The following FAM167A variants were observed in gnomAD, a reference collection of about 807,000 sequenced individuals.
FAM167A encodes protein FAM167A.
FAM167A carries 23 observed loss-of-function variants against 14.9 expected under a neutral mutation model. The observed-to-expected ratio is 1.55, with a 90% confidence interval of 1.11 to 2.19. FAM167A has a LOEUF of 2.19. Ranked by LOEUF, FAM167A falls within the 30% of genes most tolerant of loss-of-function variation. The pLI is 0.00. For missense variants in FAM167A, 401 were observed against 281.5 expected (o/e 1.42, Z -3.04); for synonymous variants, 174 against 117.7 (o/e 1.48, Z -3.10).
chr8:11,473,290 G>T (rs2117177332), intron 1 of FAM167A, among the ~76,000 whole-genome samples: 1 of 152,270 alleles, frequency 6.6e-6, no homozygotes, highest in Non-Finnish European at 1.5e-5. Flanking sequence ...TGGTGTGGGG[G>T]GAAGCTTGTT....
At chr8:11,462,518 A>G (rs1273901742) in intron 1 of FAM167A, among the ~76,000 whole-genome samples, 1 of 152,236 alleles carries the variant, frequency 6.6e-6, no homozygotes, top group East Asian at 1.9e-4. Flanking sequence ...TGGCTCCTGC[A>G]CTGCGAAAGT....
chr8:11,448,185 C>T (rs1415610739), intron 1 of FAM167A, among the ~76,000 whole-genome samples: 1 of 133,796 alleles, frequency 7.5e-6, no homozygotes, highest in Non-Finnish European at 1.6e-5. Context: ...CAGGGCGAGA[C>T]TCTGTCTTAA....
At position 11,455,990 on chromosome 8, in the gene FAM167A, T is replaced by G. The variant is rs1402664995; in HGVS notation, c.-398+10636A>C. 3.4e-5 allele frequency among the ~76,000 whole-genome samples: 4 copies of G among 117,698 alleles called. No homozygotes were observed. In the East Asian group the frequency reaches 8.9e-4, roughly 26 times the overall value. 77.2% of individuals were successfully genotyped at this position (117,698 alleles called of 152,430 possible). A position where few individuals can be genotyped will look rare whatever the true frequency, so the allele number is the denominator to read the frequency against. On this transcript the variant is annotated intron_variant, in intron 1 of 2. Coordinates refer to ENST00000284486, the MANE Select transcript of FAM167A (RefSeq NM_053279.3). ...GAGTGAGTGTGGGGGGTGGTTGCCT[T>G]CTGGGTATGAGTGGGAGTGTAGGGT...
intron 2 of FAM167A, chr8:11,438,066 G>A: frequency 2.2e-6 from 1 of 444,916 alleles, no homozygotes; most frequent in South Asian, 1.6e-5. Context: ...CAGGAGCCCT[G>A]ACCCATCCAC....
chr8:11,461,480 C>T (rs536256019), intron 1 of FAM167A, among the ~76,000 whole-genome samples: 1 of 152,368 alleles, frequency 6.6e-6, no homozygotes, highest in African/African-American at 2.4e-5. Flanking sequence ...AAAGTAGACA[C>T]AGAGTGGCCT....
chr8:11,427,235 C>A (rs138993847), intron 2 of FAM167A, among the ~76,000 whole-genome samples: 44 of 152,286 alleles, frequency 2.9e-4, no homozygotes, highest in Middle Eastern at 3.4e-3. Context: ...TCCTGAGGTA[C>A]CAGCAGGACA....
At chr8:11,464,905 T>A (rs1474030731) in intron 1 of FAM167A, among the ~76,000 whole-genome samples, 1 of 152,124 alleles carries the variant, frequency 6.6e-6, no homozygotes, top group Admixed American at 6.5e-5. Context: ...CCTGCCAGAG[T>A]TCCTCCTGGA....
chr8:11,428,950 T>C (rs1301516077), intron 2 of FAM167A, among the ~76,000 whole-genome samples: 1 of 152,228 alleles, frequency 6.6e-6, no homozygotes, highest in African/African-American at 2.4e-5. Context: ...TCTAGAATTT[T>C]TTTCTAGTTG....
At chr8:11,430,860 G>C (rs957052786) in intron 2 of FAM167A, among the ~76,000 whole-genome samples, 2 of 152,182 alleles carry the variant, frequency 1.3e-5, no homozygotes, top group South Asian at 4.1e-4. Context: ...TCATAGAAAA[G>C]TCTAATGCAT....
chr8:11,465,334 C>A (rs780509747), intron 1 of FAM167A, among the ~76,000 whole-genome samples: 1 of 152,152 alleles, frequency 6.6e-6, no homozygotes, highest in Non-Finnish European at 1.5e-5. Context: ...GAGTCAGGCA[C>A]GTGAGGCTGA....
chr8:11,475,021 G>A (rs1023015253), intron 1 of FAM167A, among the ~76,000 whole-genome samples: 1 of 152,132 alleles, frequency 6.6e-6, no homozygotes, highest in Non-Finnish European at 1.5e-5. Flanking sequence ...GCCCATGGGA[G>A]TCCCCTGGAC....
At chr8:11,451,946 C>G (rs974002559) in intron 1 of FAM167A, among the ~76,000 whole-genome samples, 2 of 152,206 alleles carry the variant, frequency 1.3e-5, no homozygotes, top group African/African-American at 4.8e-5. Context: ...TTTTCTCTTG[C>G]TCACAACCAA....
At chr8:11,454,230 C>A (rs73209243) in intron 1 of FAM167A, among the ~76,000 whole-genome samples, 1 of 152,090 alleles carries the variant, frequency 6.6e-6, no homozygotes, top group Non-Finnish European at 1.5e-5. Flanking sequence ...GGCTGGAGAG[C>A]GGAGGCCCAC....
intron 1 of FAM167A, among the ~76,000 whole-genome samples, chr8:11,454,573 C>G (rs986829527): frequency 1.3e-5 from 2 of 152,208 alleles, no homozygotes; most frequent in African/African-American, 4.8e-5. Context: ...AGTGCAGAGG[C>G]TCTAAGGGGT....
At chr8:11,472,370 G>C (rs73535718), upstream of FAM167A, among the ~76,000 whole-genome samples, 4,663 of 151,924 alleles carry the variant, frequency 0.031, 233 homozygotes, top group African/African-American at 0.1. Context: ...CTTGGTGACA[G>C]CTGGAAGGAG....
intron 1 of FAM167A, among the ~76,000 whole-genome samples, chr8:11,455,798 TGAGTGTTGGGTGG>T: frequency 6.9e-6 from 1 of 145,726 alleles, no homozygotes; most frequent in Admixed American, 6.8e-5. Flanking sequence ...TGGGGTTGTG[TGAGTGTTGGGTGG>T]TTGCCTTGCT....
At chr8:11,451,235 T>C (rs147654730) in intron 1 of FAM167A, among the ~76,000 whole-genome samples, 2 of 152,224 alleles carry the variant, frequency 1.3e-5, no homozygotes, top group Non-Finnish European at 2.9e-5. Flanking sequence ...GGGGAAAGGG[T>C]CTAACTGGAG....
At chr8:11,469,992 G>A (rs146290810), upstream of FAM167A, among the ~76,000 whole-genome samples, 1,020 of 152,122 alleles carry the variant, frequency 6.7e-3, 9 homozygotes, top group African/African-American at 0.023. Context: ...CAATAAATAC[G>A]TATTAGTACC....
chr8:11,436,576 C>A (rs997548979), intron 2 of FAM167A, among the ~76,000 whole-genome samples: 3 of 152,222 alleles, frequency 2.0e-5, no homozygotes, highest in African/African-American at 7.2e-5. Context: ...AGCTCCCCTG[C>A]ACGGCCTTCT....
Sources: allele counts gnomAD v4.1 joint callset (sites outside exome capture counted in the v4.1 genomes callset), GRCh38; gene constraint gnomAD v4.1.1; transcripts MANE v1.5; gene names NCBI Gene and HGNC (gene_info 2026-07-23, HGNC 2026-07-21).